THRB: variants seen among roughly 807,000 people sequenced by gnomAD.
THRB encodes thyroid hormone receptor beta.
THRB carries 12 observed loss-of-function variants against 47.8 expected under a neutral mutation model. The observed-to-expected ratio is 0.25, with a 90% CI of 0.16 to 0.41. The LOEUF (loss-of-function observed/expected upper bound fraction) is 0.41, where lower values mean the gene tolerates loss of function less well. Among genes scored for constraint, THRB ranks in the 10% least tolerant of loss-of-function variants. The pLI, the probability that THRB is intolerant of heterozygous loss-of-function variation, is 1.00. For synonymous variants in THRB, 218 were observed against 212.2 expected (o/e 1.03, Z -0.24); for missense variants, 348 against 589.2 (o/e 0.59, Z 4.24).
intron 4 of THRB, among the ~76,000 whole-genome samples, chr3:24,222,617 G>A (rs1199593505): frequency 2.0e-5 from 3 of 152,196 alleles, no homozygotes; most frequent in Admixed American, 6.5e-5. Context: ...TCTGTGTGAT[G>A]TGTGTAATAG....
chr3:24,483,351 A>C (rs1335566885), intron 1 of THRB, among the ~76,000 whole-genome samples: 2 of 152,150 alleles, frequency 1.3e-5, no homozygotes, highest in East Asian at 3.8e-4. Flanking sequence ...TTTTAAGTCA[A>C]GATATTATGT....
intron 1 of THRB, among the ~76,000 whole-genome samples, chr3:24,369,924 A>G (rs2064777564): frequency 2.0e-5 from 3 of 152,176 alleles, no homozygotes; most frequent in African/African-American, 7.2e-5. Flanking sequence ...CTGGAAACTA[A>G]TGTGTGGAGC....
At chr3:24,227,910 C>T (rs2047835941) in intron 4 of THRB, among the ~76,000 whole-genome samples, 1 of 152,164 alleles carries the variant, frequency 6.6e-6, no homozygotes, top group Non-Finnish European at 1.5e-5. Context: ...GTCATAAACT[C>T]ACAGCTCATG....
Position 24,278,986 on chromosome 3 carries a change from C to T in THRB, c.-43+18240G>A, listed in dbSNP as rs74417927. 6.8e-3 allele frequency among the ~76,000 whole-genome samples: 1,033 copies of T among 152,078 alleles called. 9 individuals carry two copies. The highest frequency in any genetic ancestry group is 0.023 in the African/African-American group (945 of 41,472). ...CAGCCTCCCAAGTAGTTAGGACTAC[C>T]GGTGCATACTACCACGTCCAGCTAG... On this transcript the variant is annotated intron_variant, in intron 3 of 10. Coordinates refer to ENST00000646209, the MANE Select transcript of THRB (RefSeq NM_001354712.2).
In THRB at chr3:24,117,359, A is replaced by G. The variant is rs2030856230; in HGVS notation, c.*5525T>C. ...GACTTAGAATTTTCTTTCAGGAATC[A>G]TCTTGCCTCAACTCTCAGTCCATAG... is the stretch of plus-strand genomic sequence containing the variant. On this transcript the variant is annotated 3_prime_UTR_variant, in exon 11 of 11. Transcript: ENST00000646209. 1 of 152,206 alleles carries G rather than the reference A, an allele frequency of 6.6e-6. No homozygotes were observed. The highest frequency in any genetic ancestry group is 2.4e-5 in the African/African-American group (1 of 41,448). The allele number at this position is 152,206 out of a possible 1,614,324, so 9.4% of individuals were successfully genotyped here.
intron 8 of THRB, among the ~76,000 whole-genome samples, chr3:24,139,024 C>T (rs865971475): frequency 6.6e-6 from 1 of 152,098 alleles, no homozygotes. Flanking sequence ...AAGCGAGCTA[C>T]CCTTGGTGGA....
chr3:24,209,930 T>C (rs1265196198), intron 4 of THRB, among the ~76,000 whole-genome samples: 2 of 152,082 alleles, frequency 1.3e-5, no homozygotes, highest in African/African-American at 2.4e-5. Context: ...GTAACCAAAA[T>C]AAGAAAAAAT....
chr3:24,285,217 TG>T (rs555902289), intron 3 of THRB, among the ~76,000 whole-genome samples: 8,047 of 151,108 alleles, frequency 0.053, 685 homozygotes, highest in African/African-American at 0.18. Context: ...ATTAAGAAAA[TG>T]TGGCACATAT....
intron 2 of THRB, among the ~76,000 whole-genome samples, chr3:24,317,775 A>G (rs1470404106): frequency 1.3e-5 from 2 of 152,238 alleles, no homozygotes; most frequent in African/African-American, 4.8e-5. Context: ...GTCTAACTTC[A>G]GCCAGGTTCA....
intron 4 of THRB, among the ~76,000 whole-genome samples, chr3:24,208,085 CTTA>C (rs1239329719): frequency 2.6e-5 from 4 of 151,918 alleles, no homozygotes; most frequent in African/African-American, 7.3e-5. Flanking sequence ...ATGAGTGAAC[CTTA>C]ATTCACAATT....
At position 24,206,633 on chromosome 3, in the gene THRB, G is replaced by A. The variant is rs533589291; in HGVS notation, c.23-16299C>T. On this transcript the variant is annotated intron_variant, in intron 4 of 10. Transcript: ENST00000646209. ...CAGACACATTGAAAAGCTAGCAGAA[G>A]GCAAGAAATAACTAAGATCAGAGCA... Among the ~76,000 whole-genome samples, 6 of 152,154 alleles carry A rather than the reference G, an allele frequency of 3.9e-5. No individual in the cohort carries two copies. In the South Asian group the frequency reaches 1.2e-3, roughly 32 times the overall value.
At chr3:24,404,069 AT>A (rs2067632630) in intron 1 of THRB, among the ~76,000 whole-genome samples, 1 of 151,982 alleles carries the variant, frequency 6.6e-6, no homozygotes, top group South Asian at 2.1e-4. Context: ...CGTGGGCTTG[AT>A]AGATTCCCAT....
rs3772382 is a variant in THRB at position 24,143,816 on chromosome 3, C to T, written c.533-110G>A. ...GGACCACTGATGCACAGATGGCTTA[C>T]TGGGTCCTTCGGGGTGGGTCACACT... On this transcript the variant is annotated intron_variant, in intron 7 of 10. Coordinates refer to ENST00000646209, the MANE Select transcript of THRB (RefSeq NM_001354712.2). The T allele has an allele frequency of 0.29, 330,836 of 1,134,462 alleles. 50,803 individuals carry two copies. The highest frequency in any genetic ancestry group is 0.42 in the African/African-American group (27,886 of 65,742). 70.3% of individuals were successfully genotyped at this position (1,134,462 alleles called of 1,614,324 possible).
chr3:24,435,305 T>C (rs1400903174), intron 1 of THRB, among the ~76,000 whole-genome samples: 1 of 152,068 alleles, frequency 6.6e-6, no homozygotes, highest in Non-Finnish European at 1.5e-5. Context: ...AAGAACCACT[T>C]GGGCAAAGTA....
intron 3 of THRB, among the ~76,000 whole-genome samples, chr3:24,243,440 T>C (rs908667156): frequency 1.3e-5 from 2 of 152,052 alleles, no homozygotes; most frequent in Non-Finnish European, 1.5e-5. Flanking sequence ...CTCGAACGTG[T>C]CATATGTGCC....
chr3:24,361,584 T>G (rs1414741545), intron 1 of THRB, among the ~76,000 whole-genome samples: 1 of 151,980 alleles, frequency 6.6e-6, no homozygotes, highest in Non-Finnish European at 1.5e-5. Flanking sequence ...CACCACTCAG[T>G]GATTAAGGAA....
chr3:24,151,823 C>T (rs150056910), intron 6 of THRB, among the ~76,000 whole-genome samples: 5 of 152,252 alleles, frequency 3.3e-5, no homozygotes, highest in Non-Finnish European at 2.9e-5. Context: ...CAAAATTAGC[C>T]GATGGATGAC....
In THRB at chr3:24,213,880, T is replaced by G. The variant is rs1167737441; in HGVS notation, c.22+15058A>C. Among the ~76,000 whole-genome samples the G allele has an allele frequency of 2.6e-5, 4 of 152,178 alleles. 1 individual carries two copies. The highest frequency in any genetic ancestry group is 4.1e-4 in the South Asian group (2 of 4,836). ...GAAGCAAGATAACAAGACAGCTGCA[T>G]TTGTTCCCATCACAGCTTTTCTGGC... On this transcript the variant is annotated intron_variant, in intron 4 of 10. Coordinates refer to ENST00000646209, the MANE Select transcript of THRB (RefSeq NM_001354712.2).
rs142016540 is a variant in THRB at position 24,153,432 on chromosome 3, G to C, written c.284-942C>G. Among the ~76,000 whole-genome samples the C allele has an allele frequency of 5.3e-3, 814 of 152,322 alleles. 4 individuals carry two copies. Among genetic ancestry groups the C allele is most frequent in the Admixed American group, 0.011 (172 of 15,306 alleles). ...ACCTAAAAAAGTTAGGTAAACTTGT[G>C]ATATTATGATATGCAATCCAACAAC... On this transcript the variant is annotated intron_variant, in intron 5 of 10. Coordinates refer to ENST00000646209, the MANE Select transcript of THRB (RefSeq NM_001354712.2).
Sources: allele counts gnomAD v4.1 joint callset (sites outside exome capture counted in the v4.1 genomes callset), GRCh38; gene constraint gnomAD v4.1.1; transcripts MANE v1.5; gene names NCBI Gene and HGNC (gene_info 2026-07-23, HGNC 2026-07-21).